Variants in CDIN1 observed in about 807,000 individuals in gnomAD.
CDIN1 encodes CDAN1 interacting nuclease 1, also known as CDAN1-interacting nuclease 1.
A neutral mutation model predicts 45.3 loss-of-function variants in CDIN1; 33 were observed. That is an observed-to-expected ratio of 0.73 (90% CI 0.55 to 0.97). CDIN1 has a LOEUF of 0.97. Ranked by LOEUF, CDIN1 falls within the 50% of genes least tolerant of loss-of-function variation. CDIN1 has a pLI of 0.00. For synonymous variants in CDIN1, 118 were observed against 124.4 expected, an observed-to-expected ratio of 0.95 and a Z score of 0.34; for missense variants, 303 against 339.4, an observed-to-expected ratio of 0.89 and a Z score of 0.84.
At position 36,617,486 on chromosome 15, in the gene CDIN1, G is replaced by A. The variant is rs140723783; in HGVS notation, c.102-26792G>A. 468 of 906,736 alleles carry A rather than the reference G, an allele frequency of 5.2e-4. 3 individuals carry two copies. The highest frequency in any genetic ancestry group is 3.9e-3 in the East Asian group (162 of 41,580). The allele number at this position is 906,736 out of a possible 1,614,324, so 56.2% of individuals were successfully genotyped here. A position where few individuals can be genotyped will look rare whatever the true frequency, so the allele number is the denominator to read the frequency against. ...AAACAATTAGAATTCTGGTTTTCACGAGAAAATTTGTCAAAGAATCTTTAC... is the reference window on the plus strand; with the variant it reads ...AAACAATTAGAATTCTGGTTTTCACAAGAAAATTTGTCAAAGAATCTTTAC... On this transcript the variant is annotated intron_variant, in intron 1 of 10. Coordinates refer to ENST00000566621, the MANE Select transcript of CDIN1 (RefSeq NM_001321759.2).
chr15:36,800,909 G>GTATATA (rs370036091), intron 10 of CDIN1, among the ~76,000 whole-genome samples: 301 of 22,334 alleles, frequency 0.013, 14 homozygotes, highest in Non-Finnish European at 0.023. Flanking sequence ...GTGTGTGTGT[G>GTATATA]TATATATATA....
At chr15:36,617,767 G>A in intron 1 of CDIN1, 2 of 811,156 alleles carry the variant, frequency 2.5e-6, no homozygotes, top group Non-Finnish European at 2.2e-6. Context: ...GCCCCAAAGT[G>A]ATAAGTTGTG....
chr15:36,665,690 C>T (rs931162472), intron 5 of CDIN1, among the ~76,000 whole-genome samples: 2 of 152,108 alleles, frequency 1.3e-5, no homozygotes, highest in African/African-American at 4.8e-5. Flanking sequence ...TGGTCTTTCC[C>T]ACCACCACTG....
intron 1 of CDIN1, among the ~76,000 whole-genome samples, chr15:36,600,630 G>A (rs1375409225): frequency 6.6e-6 from 1 of 152,152 alleles, no homozygotes; most frequent in Non-Finnish European, 1.5e-5. Flanking sequence ...TTATAAACGA[G>A]TAGACAGAGC....
At chr15:36,800,812 CTCA>C (rs1351380735) in intron 10 of CDIN1, among the ~76,000 whole-genome samples, 15 of 148,656 alleles carry the variant, frequency 1.0e-4, no homozygotes, top group African/African-American at 3.7e-4. Flanking sequence ...CACACAGCAA[CTCA>C]TAATAAGAGA....
At chr15:36,603,365 T>A (rs1385780624) in intron 1 of CDIN1, among the ~76,000 whole-genome samples, 2 of 152,232 alleles carry the variant, frequency 1.3e-5, no homozygotes, top group African/African-American at 4.8e-5. Context: ...ACTAGGCAGT[T>A]AATCCTTGAA....
chr15:36,790,526 C>T (rs2054616980), intron 10 of CDIN1, among the ~76,000 whole-genome samples: 1 of 152,100 alleles, frequency 6.6e-6, no homozygotes, highest in South Asian at 2.1e-4. Context: ...GAAAAGAGGG[C>T]CTTAATTGTT....
intron 10 of CDIN1, among the ~76,000 whole-genome samples, chr15:36,750,490 A>G (rs1198237701): frequency 1.3e-5 from 2 of 152,176 alleles, no homozygotes; most frequent in African/African-American, 2.4e-5. Flanking sequence ...AGCATTTACT[A>G]TGTACCAGGC....
chr15:36,647,556 A>G (rs1014813336), intron 3 of CDIN1: 1 of 152,164 alleles, frequency 6.6e-6, no homozygotes, highest in African/African-American at 2.4e-5. Context: ...TCTGCCCTGC[A>G]CTTTGCACTT....
chr15:36,616,704 G>A (rs2038907986), intron 1 of CDIN1, among the ~76,000 whole-genome samples: 1 of 152,076 alleles, frequency 6.6e-6, no homozygotes, highest in Non-Finnish European at 1.5e-5. Flanking sequence ...CACAAGGTCA[G>A]GAGTTCGAGA....
chr15:36,721,626 C>T (rs1294094796), intron 10 of CDIN1, among the ~76,000 whole-genome samples: 2 of 152,008 alleles, frequency 1.3e-5, no homozygotes, highest in African/African-American at 4.8e-5. Flanking sequence ...GAAACTATTC[C>T]ACTTTTGTTT....
chr15:36,746,464 C>T (rs1173280765), intron 10 of CDIN1, among the ~76,000 whole-genome samples: 1 of 152,140 alleles, frequency 6.6e-6, no homozygotes, highest in Non-Finnish European at 1.5e-5. Flanking sequence ...GGAGTAGTTA[C>T]ATTCCTTATA....
At chr15:36,707,356 G>C (rs2042905921) in intron 8 of CDIN1, 1 of 152,124 alleles carries the variant, frequency 6.6e-6, no homozygotes, top group African/African-American at 2.4e-5. Flanking sequence ...GAGCGAGCCA[G>C]TTGTAGTTTG....
chr15:36,604,522 G>A (rs2038271415), intron 1 of CDIN1, among the ~76,000 whole-genome samples: 1 of 149,668 alleles, frequency 6.7e-6, no homozygotes, highest in Non-Finnish European at 1.5e-5. Flanking sequence ...AACTCCTGTT[G>A]GTTTTATTCA....
chr15:36,664,271 C>G (rs2041151247), intron 5 of CDIN1, among the ~76,000 whole-genome samples: 1 of 152,134 alleles, frequency 6.6e-6, no homozygotes, highest in African/African-American at 2.4e-5. Flanking sequence ...TTTCTCAGAG[C>G]CCCATATTTA....
chr15:36,651,868 G>A lies in CDIN1; in HGVS notation c.213-2230G>A, dbSNP rs560176649. Among the ~76,000 whole-genome samples, 102 of 152,264 alleles carry A rather than the reference G, an allele frequency of 6.7e-4. 1 individual carries two copies. In the South Asian group the frequency reaches 0.017, roughly 26 times the overall value. On this transcript the variant is annotated intron_variant, in intron 3 of 10. Transcript: ENST00000566621. ...ATTATCCAGACTATATAGATACAGA[G>A]GATTGTAGTTATGGTTTAATCATCT...
intron 1 of CDIN1, among the ~76,000 whole-genome samples, chr15:36,608,362 C>A (rs1166379460): frequency 2.0e-5 from 3 of 152,060 alleles, no homozygotes; most frequent in African/African-American, 4.8e-5. Context: ...TGATTATATT[C>A]CTGGTGGGTA....
chr15:36,702,255 T>C, intron 8 of CDIN1: 2 of 645,358 alleles, frequency 3.1e-6, no homozygotes, highest in South Asian at 1.8e-5. Context: ...GGGTGGGAGG[T>C]GGGGGATTTG....
intron 10 of CDIN1, among the ~76,000 whole-genome samples, chr15:36,779,168 T>C (rs2054290137): frequency 6.6e-6 from 1 of 152,200 alleles, no homozygotes; most frequent in African/African-American, 2.4e-5. Flanking sequence ...AAAATCCTTC[T>C]CAACACGGGG....
Sources: gnomAD v4.1 joint callset for allele counts (sites outside exome capture counted in the v4.1 genomes callset) on GRCh38, gnomAD v4.1.1 for gene constraint, MANE v1.5 for transcripts, NCBI Gene and HGNC (gene_info 2026-07-23, HGNC 2026-07-21) for gene names.